SETBP1: variants seen among roughly 807,000 people sequenced by gnomAD.
The protein encoded by SETBP1 is SET-binding protein.
A neutral mutation model predicts 101.0 loss-of-function variants in SETBP1; 9 were observed. The observed-to-expected ratio is 0.09, with a 90% CI of 0.05 to 0.16. The LOEUF (loss-of-function observed/expected upper bound fraction) is 0.16, where lower values mean the gene tolerates loss of function less well. SETBP1 is among the 10% of genes least tolerant of loss of function. SETBP1 has a pLI of 1.00. For synonymous variants in SETBP1, 818 were observed against 788.5 expected (o/e 1.04, Z -0.63); for missense variants, 1,858 against 2,033.8 (o/e 0.91, Z 1.66).
intron 2 of SETBP1, among the ~76,000 whole-genome samples, chr18:44,723,148 A>G (rs1210928118): frequency 6.6e-6 from 1 of 152,102 alleles, no homozygotes; most frequent in Non-Finnish European, 1.5e-5. Flanking sequence ...TAATTGGACA[A>G]AATTTCCCTA....
intron 3 of SETBP1, among the ~76,000 whole-genome samples, chr18:44,901,937 T>G (rs969650795): frequency 6.6e-6 from 1 of 152,218 alleles, no homozygotes; most frequent in Non-Finnish European, 1.5e-5. Context: ...AAAGTGCTAA[T>G]TCCCCAGTTA....
intron 2 of SETBP1, among the ~76,000 whole-genome samples, chr18:44,770,748 A>G (rs892568325): frequency 6.6e-6 from 1 of 152,180 alleles, no homozygotes; most frequent in African/African-American, 2.4e-5. Flanking sequence ...TCTTATCAGA[A>G]AGTGTGGGAG....
At chr18:45,014,550 G>A (rs760561170) in intron 4 of SETBP1, among the ~76,000 whole-genome samples, 10 of 152,180 alleles carry the variant, frequency 6.6e-5, no homozygotes, top group Non-Finnish European at 1.2e-4. Flanking sequence ...CTGGCCTAGG[G>A]ACGGCTTGCT....
At chr18:44,857,532 C>A (rs1349286088) in intron 2 of SETBP1, among the ~76,000 whole-genome samples, 2 of 101,104 alleles carry the variant, frequency 2.0e-5, no homozygotes, top group African/African-American at 7.9e-5. Context: ...GTGAACATTG[C>A]CAGTCCCTTC....
chr18:44,760,875 T>C (rs187558146), intron 2 of SETBP1, among the ~76,000 whole-genome samples: 3 of 152,078 alleles, frequency 2.0e-5, no homozygotes, highest in Non-Finnish European at 4.4e-5. Flanking sequence ...AAGGAAGGAA[T>C]CTTAAATAAG....
chr18:44,942,414 T>C (rs1401697601), intron 3 of SETBP1, among the ~76,000 whole-genome samples: 1 of 152,222 alleles, frequency 6.6e-6, no homozygotes, highest in East Asian at 1.9e-4. Context: ...TGAAGGTTTC[T>C]AGAGTTCCTT....
At chr18:44,688,959 C>G (rs535442870) in intron 1 of SETBP1, among the ~76,000 whole-genome samples, 160 of 152,274 alleles carry the variant, frequency 1.1e-3, no homozygotes, top group African/African-American at 3.7e-3. Context: ...AAGGCCTGCT[C>G]TGAGATGTGG....
At chr18:44,817,427 T>C (rs922740160) in intron 2 of SETBP1, among the ~76,000 whole-genome samples, 4 of 152,122 alleles carry the variant, frequency 2.6e-5, no homozygotes, top group Non-Finnish European at 4.4e-5. Flanking sequence ...GGCTCACCCC[T>C]GTAATCCCAG....
At chr18:45,014,131 T>G (rs1444443907) in intron 4 of SETBP1, among the ~76,000 whole-genome samples, 1 of 152,224 alleles carries the variant, frequency 6.6e-6, no homozygotes, top group Non-Finnish European at 1.5e-5. Context: ...AGCCAGTGCC[T>G]GCTGTACAAT....
At chr18:44,829,517 T>C (rs928469004) in intron 2 of SETBP1, among the ~76,000 whole-genome samples, 2 of 152,212 alleles carry the variant, frequency 1.3e-5, no homozygotes, top group Non-Finnish European at 2.9e-5. Context: ...AGTTATATCC[T>C]GGTTTCCATC....
chr18:45,028,275 C>A (rs1307641762), intron 4 of SETBP1, among the ~76,000 whole-genome samples: 1 of 150,574 alleles, frequency 6.6e-6, no homozygotes, highest in East Asian at 2.0e-4. Flanking sequence ...GTTTTTTGTT[C>A]TTGTGATAGT....
At chr18:44,715,787 C>T (rs1174848555) in intron 2 of SETBP1, among the ~76,000 whole-genome samples, 1 of 152,174 alleles carries the variant, frequency 6.6e-6, no homozygotes, top group African/African-American at 2.4e-5. Context: ...TCCTTTTATT[C>T]CCTGGCCTCT....
At chr18:44,748,998 G>C (rs1328830928) in intron 2 of SETBP1, among the ~76,000 whole-genome samples, 2 of 152,142 alleles carry the variant, frequency 1.3e-5, no homozygotes, top group Non-Finnish European at 2.9e-5. Flanking sequence ...GACCACAGAG[G>C]CTTGCCTGCT....
At chr18:44,967,992 C>T (rs1180871414) in intron 4 of SETBP1, among the ~76,000 whole-genome samples, 3 of 151,984 alleles carry the variant, frequency 2.0e-5, no homozygotes, top group East Asian at 3.9e-4. Context: ...GGAGGTCTAC[C>T]TTGTGGATAA....
intron 2 of SETBP1, among the ~76,000 whole-genome samples, chr18:44,848,451 A>T (rs1211822169): frequency 2.0e-5 from 3 of 152,210 alleles, no homozygotes; most frequent in African/African-American, 7.2e-5. Flanking sequence ...GGAAATACAC[A>T]TGGCTAAGCC....
At chr18:44,715,106 C>T (rs2069434264) in intron 2 of SETBP1, among the ~76,000 whole-genome samples, 2 of 152,140 alleles carry the variant, frequency 1.3e-5, no homozygotes, top group Admixed American at 6.5e-5. Flanking sequence ...AAGCTATCTT[C>T]GAAACATTCC....
chr18:44,698,273 C>T (rs1386501676), intron 1 of SETBP1, among the ~76,000 whole-genome samples: 2 of 152,162 alleles, frequency 1.3e-5, no homozygotes, highest in African/African-American at 4.8e-5. Flanking sequence ...CTTAATCCAA[C>T]CCTCACACCA....
chr18:44,968,718 A>G (rs1020345778), intron 4 of SETBP1, among the ~76,000 whole-genome samples: 7 of 152,212 alleles, frequency 4.6e-5, no homozygotes, highest in African/African-American at 1.7e-4. Context: ...TTTCTTCCCA[A>G]GTAGGCAACA....
chr18:44,959,323 A>C (rs2145143573), intron 4 of SETBP1, among the ~76,000 whole-genome samples: 1 of 152,336 alleles, frequency 6.6e-6, no homozygotes, highest in Non-Finnish European at 1.5e-5. Context: ...ACTCCAGAAA[A>C]CCATCTCCTT....
Sources: gnomAD v4.1 joint callset for allele counts (sites outside exome capture counted in the v4.1 genomes callset) on GRCh38, gnomAD v4.1.1 for gene constraint, MANE v1.5 for transcripts, NCBI Gene and HGNC (gene_info 2026-07-23, HGNC 2026-07-21) for gene names.